CPAP: variants seen among roughly 807,000 people sequenced by gnomAD.
CPAP encodes the protein centrosome assembly and centriole elongation protein.
the CPAP span, chr13:24,885,568 A>G: frequency 7.0e-7 from 1 of 1,433,104 alleles, no homozygotes; most frequent in Non-Finnish European, 9.8e-7. Flanking sequence ...AAGCCTAAGT[A>G]ATGTATGTTT....
At chr13:24,885,197 T>TTTAGA in the CPAP span, 1 of 988,368 alleles carries the variant, frequency 1.0e-6, no homozygotes, top group Admixed American at 1.9e-5. Flanking sequence ...GAGCCCTTAT[T>TTTAGA]TTAGATTCTA....
chr13:24,932,828 C>G, the CPAP span, among the ~76,000 whole-genome samples: 10 of 152,300 alleles, frequency 6.6e-5, no homozygotes, highest in African/African-American at 2.4e-4. Context: ...CATTCTTAAA[C>G]CAACACACAT....
the CPAP span, among the ~76,000 whole-genome samples, chr13:24,894,905 G>C: frequency 2.0e-5 from 3 of 152,180 alleles, no homozygotes; most frequent in Non-Finnish European, 4.4e-5. Context: ...AGACAGACGG[G>C]AGAGGAGCCG....
the CPAP span, among the ~76,000 whole-genome samples, chr13:24,932,596 A>G: frequency 6.6e-6 from 1 of 152,262 alleles, no homozygotes; most frequent in Admixed American, 6.5e-5. Context: ...ATGTCTTAAC[A>G]GAAACCCACA....
At chr13:24,906,380 A>G in the CPAP span, 1 of 1,612,778 alleles carries the variant, frequency 6.2e-7, no homozygotes, top group Non-Finnish European at 8.5e-7. Context: ...AGAAACGTCA[A>G]GAGAAGATTC....
the CPAP span, among the ~76,000 whole-genome samples, chr13:24,927,879 T>TA: frequency 6.6e-6 from 1 of 152,184 alleles, no homozygotes; most frequent in African/African-American, 2.4e-5. Flanking sequence ...CCTGAAAAGG[T>TA]ACAGATGTCC....
chr13:24,929,652 T>C, the CPAP span, among the ~76,000 whole-genome samples: 41 of 152,340 alleles, frequency 2.7e-4, no homozygotes, highest in Middle Eastern at 3.4e-3. Flanking sequence ...TGTTACATTA[T>C]GTCTTTTATC....
chr13:24,901,896 G>A, the CPAP span, among the ~76,000 whole-genome samples: 3 of 152,180 alleles, frequency 2.0e-5, no homozygotes, highest in Non-Finnish European at 4.4e-5. Context: ...GGAGGCTGAG[G>A]TGGAGGATGG....
At chr13:24,884,546 A>G in the CPAP span, 2 of 1,359,864 alleles carry the variant, frequency 1.5e-6, no homozygotes, top group East Asian at 4.6e-5. Context: ...GCCTACTTTG[A>G]AATTTTTTGT....
At chr13:24,932,041 C>T in the CPAP span, among the ~76,000 whole-genome samples, 1 of 152,248 alleles carries the variant, frequency 6.6e-6, no homozygotes, top group African/African-American at 2.4e-5. Flanking sequence ...TGGCGACGGT[C>T]CCTGCTAGGG....
At chr13:24,896,328 C>T in the CPAP span, among the ~76,000 whole-genome samples, 1 of 152,242 alleles carries the variant, frequency 6.6e-6, no homozygotes, top group Non-Finnish European at 1.5e-5. Flanking sequence ...TGCCACCCAA[C>T]AAGCCCCTTG....
chr13:24,901,912 GC>G, the CPAP span, among the ~76,000 whole-genome samples: 2 of 152,096 alleles, frequency 1.3e-5, no homozygotes, highest in Non-Finnish European at 2.9e-5. Flanking sequence ...GATGGTTTGA[GC>G]CCAGGAGGCA....
At chr13:24,913,092 C>G in the CPAP span, 1 of 1,418,178 alleles carries the variant, frequency 7.1e-7, no homozygotes, top group South Asian at 1.2e-5. Flanking sequence ...TTTCCAACAC[C>G]TGTAGACAAA....
the CPAP span, among the ~76,000 whole-genome samples, chr13:24,929,399 G>A: frequency 2.0e-5 from 3 of 152,216 alleles, no homozygotes; most frequent in Non-Finnish European, 4.4e-5. Flanking sequence ...GACAGATACA[G>A]AATTCATGGT....
the CPAP span, among the ~76,000 whole-genome samples, chr13:24,888,817 T>C: frequency 3.3e-5 from 5 of 152,298 alleles, no homozygotes; most frequent in Middle Eastern, 6.8e-3. Flanking sequence ...TGTGTTAAGA[T>C]TGGTAAGTCA....
the CPAP span, among the ~76,000 whole-genome samples, chr13:24,907,519 A>C: frequency 6.6e-6 from 1 of 152,208 alleles, no homozygotes; most frequent in Non-Finnish European, 1.5e-5. Flanking sequence ...GCATTTTTTT[A>C]ATTAAGAAAG....
the CPAP span, among the ~76,000 whole-genome samples, chr13:24,890,593 A>G: frequency 6.6e-6 from 1 of 152,220 alleles, no homozygotes; most frequent in African/African-American, 2.4e-5. Flanking sequence ...CACAAGCTGA[A>G]TAAGAAAAAA....
chr13:24,903,986 G>GCTTTAACTTTTCTATTT, the CPAP span: 1 of 1,613,904 alleles, frequency 6.2e-7, no homozygotes, highest in Non-Finnish European at 8.5e-7. Context: ...TGCGTTCTCA[G>GCTTTAACTTTTCTATTT]CTTTAAACTT....
chr13:24,893,041 CAG>C, the CPAP span, among the ~76,000 whole-genome samples: 2 of 152,140 alleles, frequency 1.3e-5, no homozygotes, highest in African/African-American at 2.4e-5. Flanking sequence ...AGGAGGGGAT[CAG>C]AGTCTCACCG....
Sources: allele counts gnomAD v4.1 joint callset (sites outside exome capture counted in the v4.1 genomes callset), GRCh38; gene constraint gnomAD v4.1.1; transcripts MANE v1.5; gene names NCBI Gene and HGNC (gene_info 2026-07-23, HGNC 2026-07-21).